The following SUMF1 variants were observed in gnomAD, a reference collection of about 807,000 sequenced individuals.
SUMF1 encodes sulfatase modifying factor 1, also known as formylglycine-generating enzyme.
SUMF1 carries 48 observed loss-of-function variants against 47.6 expected under a neutral mutation model. That is an observed-to-expected ratio of 1.01 (90% CI 0.80 to 1.28). The LOEUF (loss-of-function observed/expected upper bound fraction) is 1.28, where lower values mean the gene tolerates loss of function less well. Among genes scored for constraint, SUMF1 ranks in the 50% most tolerant of loss-of-function variants. The pLI, the probability that SUMF1 is intolerant of heterozygous loss-of-function variation, is 0.00. For missense variants in SUMF1, 571 were observed against 485.4 expected (o/e 1.18, Z -1.66); for synonymous variants, 230 against 192.1 (o/e 1.20, Z -1.63).
chr3:4,448,819 C>G (rs1702871291), intron 3 of SUMF1, among the ~76,000 whole-genome samples: 1 of 152,216 alleles, frequency 6.6e-6, no homozygotes, highest in African/African-American at 2.4e-5. Context: ...ACAAAGGGCT[C>G]CTTTCTTGAG....
intron 9 of SUMF1, among the ~76,000 whole-genome samples, chr3:4,042,160 T>C (rs540129197): frequency 1.3e-5 from 2 of 152,296 alleles, no homozygotes; most frequent in South Asian, 4.1e-4. Flanking sequence ...TCTTGACTAC[T>C]CTAAAGACTA....
chr3:4,076,020 C>T lies in SUMF1; in HGVS notation c.1015-7275G>A, dbSNP rs1055612379. Among the ~76,000 whole-genome samples the T allele has an allele frequency of 2.0e-5, 3 of 152,094 alleles. No homozygotes were observed. In the East Asian group the frequency reaches 5.8e-4, roughly 29 times the overall value. On this transcript the variant is annotated intron_variant and NMD_transcript_variant, in intron 8 of 12. Coordinates refer to the SUMF1 transcript ENST00000448413. ...AATTTCACATGGAACCAAAAAACAG[C>T]CCACATTGCCAAGACAATCCTAAGC...
At chr3:4,105,756 T>TC (rs1277827789) in intron 8 of SUMF1, among the ~76,000 whole-genome samples, 1 of 152,084 alleles carries the variant, frequency 6.6e-6, no homozygotes, top group Non-Finnish European at 1.5e-5. Flanking sequence ...CTCCTACTAG[T>TC]CCCCTTTACC....
chr3:4,132,103 G>C (rs1374124723), intron 8 of SUMF1, among the ~76,000 whole-genome samples: 1 of 152,104 alleles, frequency 6.6e-6, no homozygotes, highest in East Asian at 1.9e-4. Flanking sequence ...TCATGGAAAG[G>C]GCAGAGGTTT....
At position 4,229,648 on chromosome 3, in the gene SUMF1, G is replaced by T. The variant is rs561581648; in HGVS notation, c.1014+146682C>A. On this transcript the variant is annotated intron_variant and NMD_transcript_variant, in intron 8 of 12. Coordinates refer to the SUMF1 transcript ENST00000448413. Reference sequence around the variant, plus strand: ...TGGGCCATATCATCAAGTATGATCTGCTCCAAGAAAATAAGAAGTCTGAAA... The same window carrying T: ...TGGGCCATATCATCAAGTATGATCTTCTCCAAGAAAATAAGAAGTCTGAAA... Among the ~76,000 whole-genome samples, 66 of 152,106 alleles carry T rather than the reference G, an allele frequency of 4.3e-4. 2 individuals are homozygous for T. Among genetic ancestry groups the T allele is most frequent in the South Asian group, 1.2e-3 (6 of 4,816 alleles).
Position 4,333,835 on chromosome 3 carries a change from A to G in SUMF1, c.1014+42495T>C, listed in dbSNP as rs188164625. On this transcript the variant is annotated intron_variant and NMD_transcript_variant, in intron 8 of 12. Transcript: ENST00000448413. ...TAAGCACATAATTTTTTTTTTTTTT[A>G]AGTTTTAGCCAGCCAGGCATAGTGG... is the stretch of plus-strand genomic sequence containing the variant. 1.5e-3 allele frequency among the ~76,000 whole-genome samples: 220 copies of G among 148,360 alleles called. 1 individual carries two copies. The highest frequency in any genetic ancestry group is 5.3e-3 in the African/African-American group (214 of 40,222).
chr3:4,288,692 G>C (rs1435428758), intron 8 of SUMF1, among the ~76,000 whole-genome samples: 2 of 151,880 alleles, frequency 1.3e-5, no homozygotes, highest in African/African-American at 2.4e-5. Context: ...CAGCTACTCA[G>C]AGTGGAGGCT....
At chr3:4,048,329 C>T (rs1462577199) in intron 9 of SUMF1, among the ~76,000 whole-genome samples, 1 of 152,102 alleles carries the variant, frequency 6.6e-6, no homozygotes, top group Non-Finnish European at 1.5e-5. Context: ...TATGCAGGCA[C>T]TGCCACAGTC....
chr3:4,145,603 G>T (rs953112303), intron 8 of SUMF1, among the ~76,000 whole-genome samples: 3 of 152,030 alleles, frequency 2.0e-5, no homozygotes, highest in Non-Finnish European at 4.4e-5. Flanking sequence ...CATAATGCAG[G>T]GTTGACTCAT....
chr3:4,266,161 C>A (rs186328736), intron 8 of SUMF1, among the ~76,000 whole-genome samples: 2 of 152,110 alleles, frequency 1.3e-5, no homozygotes, highest in Admixed American at 6.5e-5. Flanking sequence ...AGTCAGGTAG[C>A]GTGATGCCTC....
At position 4,175,993 on chromosome 3, in the gene SUMF1, G is replaced by A. The variant is rs74419968; in HGVS notation, c.1015-107248C>T. ...CAAGAAAACAAGGTTAGAGAAAGAA[G>A]AGTAAAAAGAAATGAACAAAGCCTC... On this transcript the variant is annotated intron_variant and NMD_transcript_variant, in intron 8 of 12. Transcript: ENST00000448413. Among the ~76,000 whole-genome samples, 635 of 152,226 alleles carry A rather than the reference G, an allele frequency of 4.2e-3. 6 individuals are homozygous for A. Among genetic ancestry groups the A allele is most frequent in the African/African-American group, 0.014 (602 of 41,532 alleles).
intron 8 of SUMF1, among the ~76,000 whole-genome samples, chr3:4,217,095 C>T (rs1290167172): frequency 6.6e-6 from 1 of 152,042 alleles, no homozygotes; most frequent in Non-Finnish European, 1.5e-5. Context: ...TTCACAATAG[C>T]AAAGACTTGG....
chr3:4,309,985 G>GGCAATAT (rs1559215390), intron 8 of SUMF1, among the ~76,000 whole-genome samples: 2 of 152,170 alleles, frequency 1.3e-5, no homozygotes, highest in Admixed American at 1.3e-4. Flanking sequence ...TACACACTTA[G>GGCAATAT]GCAATATGAT....
chr3:4,302,106 C>G (rs979131994), intron 8 of SUMF1, among the ~76,000 whole-genome samples: 1 of 152,174 alleles, frequency 6.6e-6, no homozygotes, highest in Admixed American at 6.5e-5. Flanking sequence ...GGTTTGTGAA[C>G]CCAAAATTAT....
chr3:4,127,007 G>C (rs1693669673), intron 8 of SUMF1, among the ~76,000 whole-genome samples: 1 of 152,162 alleles, frequency 6.6e-6, no homozygotes. Flanking sequence ...TGACCAAAAA[G>C]TAAAGATTGC....
chr3:4,229,342 C>T, intron 8 of SUMF1: 1 of 415,934 alleles, frequency 2.4e-6, no homozygotes, highest in South Asian at 1.7e-5. Context: ...TTTGATAATC[C>T]ACCTTTCTTA....
rs369338586 is a variant in SUMF1 at position 4,390,637 on chromosome 3, C to T, written c.955-14248G>A. 1.7e-4 allele frequency among the ~76,000 whole-genome samples: 26 copies of T among 152,124 alleles called. 2 individuals are homozygous for T. In the East Asian group the frequency reaches 2.1e-3, roughly 12 times the overall value. ...TCACTCTGTCACCCAGGCTGGAGTA[C>T]AGTGGCACGATCTTGGCTCACTGCA... On this transcript the variant is annotated intron_variant, in intron 7 of 8. Transcript: ENST00000272902.
chr3:4,246,359 G>A (rs555551994), intron 8 of SUMF1, among the ~76,000 whole-genome samples: 20 of 152,224 alleles, frequency 1.3e-4, no homozygotes, highest in Middle Eastern at 3.4e-3. Context: ...GCTGGGAGCC[G>A]TAGACTGGAG....
chr3:4,060,891 C>G (rs1695267137), intron 9 of SUMF1, among the ~76,000 whole-genome samples: 2 of 152,094 alleles, frequency 1.3e-5, no homozygotes, highest in Admixed American at 1.3e-4. Flanking sequence ...AACTAGCTAG[C>G]TGCATGAACT....
Sources: allele counts gnomAD v4.1 joint callset (sites outside exome capture counted in the v4.1 genomes callset), GRCh38; gene constraint gnomAD v4.1.1; transcripts MANE v1.5; gene names NCBI Gene and HGNC (gene_info 2026-07-23, HGNC 2026-07-21).